IL1RAPL2: variants seen among roughly 807,000 people sequenced by gnomAD.
The protein encoded by IL1RAPL2 is X-linked interleukin-1 receptor accessory protein-like 2.
Under a neutral mutation model 44.1 loss-of-function variants are expected in IL1RAPL2, and 3 were observed. That is an observed-to-expected ratio of 0.07 (90% confidence interval 0.03 to 0.18). The LOEUF (loss-of-function observed/expected upper bound fraction) is 0.18, where lower values mean the gene tolerates loss of function less well. Ranked by LOEUF, IL1RAPL2 falls within the 10% of genes least tolerant of loss-of-function variation. The pLI, the probability that IL1RAPL2 is intolerant of heterozygous loss-of-function variation, is 1.00. For synonymous variants in IL1RAPL2, 181 were observed against 178.8 expected (o/e 1.01, Z -0.10); for missense variants, 391 against 496.4 (o/e 0.79, Z 2.02).
intron 5 of IL1RAPL2, among the ~76,000 whole-genome samples, chrX:105,299,616 C>G (rs2034680717): frequency 9.0e-6 from 1 of 111,274 alleles, no homozygotes. Context: ...CCTTAAAATT[C>G]TAATGTCAGA....
chrX:105,390,790 G>A (rs769085903), intron 5 of IL1RAPL2, among the ~76,000 whole-genome samples: 8 of 110,894 alleles, frequency 7.2e-5, no homozygotes, highest in African/African-American at 2.6e-4. Context: ...TGCGGCATAC[G>A]TTTTGGCCTC....
intron 2 of IL1RAPL2, among the ~76,000 whole-genome samples, chrX:105,146,939 TC>T (rs1333467456): frequency 8.9e-6 from 1 of 111,805 alleles, no homozygotes; most frequent in Non-Finnish European, 1.9e-5. Context: ...TTAAAGGTTT[TC>T]TGATTTGTGA....
intron 2 of IL1RAPL2, among the ~76,000 whole-genome samples, chrX:105,036,065 A>T (rs147455447): frequency 0.023 from 2,558 of 111,824 alleles, 61 homozygotes; most frequent in African/African-American, 0.079. Flanking sequence ...TATCAGTGTC[A>T]TTCTTTTGGT....
chrX:105,599,527 T>A (rs1197394912), intron 6 of IL1RAPL2, among the ~76,000 whole-genome samples: 1 of 111,112 alleles, frequency 9.0e-6, no homozygotes, highest in Non-Finnish European at 1.9e-5. Flanking sequence ...CACTGTGAAG[T>A]GTGTGGAATA....
intron 2 of IL1RAPL2, among the ~76,000 whole-genome samples, chrX:105,173,798 T>C (rs1011933338): frequency 1.4e-4 from 15 of 108,945 alleles, no homozygotes; most frequent in African/African-American, 4.4e-4. Context: ...AGTGGCATGA[T>C]CTCGGCTCAC....
At chrX:105,378,511 A>G (rs1037946919) in intron 5 of IL1RAPL2, among the ~76,000 whole-genome samples, 1 of 111,733 alleles carries the variant, frequency 8.9e-6, no homozygotes, top group Non-Finnish European at 1.9e-5. Context: ...TGGTGATAAA[A>G]GCTAATAAAA....
intron 6 of IL1RAPL2, among the ~76,000 whole-genome samples, chrX:105,637,770 C>T (rs145138230): frequency 1.0e-3 from 108 of 107,917 alleles, no homozygotes; most frequent in Non-Finnish European, 1.6e-3. Flanking sequence ...CTCAACCAAG[C>T]GCTATTTCTC....
At chrX:105,337,200 T>C (rs2035034899) in intron 5 of IL1RAPL2, among the ~76,000 whole-genome samples, 1 of 112,174 alleles carries the variant, frequency 8.9e-6, no homozygotes, top group Admixed American at 9.5e-5. Flanking sequence ...TTGAATTGAG[T>C]GACTTGTCCT....
chrX:104,962,026 C>T (rs976723192), intron 2 of IL1RAPL2, among the ~76,000 whole-genome samples: 1 of 112,143 alleles, frequency 8.9e-6, no homozygotes, highest in Non-Finnish European at 1.9e-5. Flanking sequence ...GTCACTGTGG[C>T]CTTCACAGCA....
chrX:105,727,570 G>A (rs1038938526), intron 7 of IL1RAPL2, among the ~76,000 whole-genome samples: 61 of 111,431 alleles, frequency 5.5e-4, no homozygotes, highest in African/African-American at 2.0e-3. Context: ...AAACTCTCTG[G>A]TGGCAGTTCA....
chrX:104,751,028 C>A (rs1429093000), intron 2 of IL1RAPL2, among the ~76,000 whole-genome samples: 2 of 111,094 alleles, frequency 1.8e-5, no homozygotes, highest in South Asian at 3.8e-4. Flanking sequence ...ACTCTACAAT[C>A]AGTTAATTTA....
intron 2 of IL1RAPL2, among the ~76,000 whole-genome samples, chrX:104,943,381 T>C (rs946613555): frequency 8.0e-5 from 9 of 112,137 alleles, no homozygotes; most frequent in Admixed American, 4.7e-4. Context: ...GGATGTCTAA[T>C]AGATATCTCA....
At chrX:105,683,277 C>T (rs2037940440) in intron 6 of IL1RAPL2, among the ~76,000 whole-genome samples, 1 of 111,764 alleles carries the variant, frequency 8.9e-6, no homozygotes, top group Admixed American at 9.6e-5. Context: ...TAACACAGTT[C>T]ATAACTTTTC....
intron 2 of IL1RAPL2, among the ~76,000 whole-genome samples, chrX:104,947,887 C>T (rs1307182027): frequency 8.9e-6 from 1 of 111,881 alleles, no homozygotes; most frequent in Non-Finnish European, 1.9e-5. Flanking sequence ...TTAGGATTTA[C>T]TTGGTGATGT....
chrX:105,756,605 C>T (rs1345578461), intron 10 of IL1RAPL2, among the ~76,000 whole-genome samples: 1 of 111,764 alleles, frequency 8.9e-6, no homozygotes, highest in Non-Finnish European at 1.9e-5. Flanking sequence ...TGGAAAGGAA[C>T]AAAGAAGGCA....
At chrX:105,360,867 T>C (rs150847906) in intron 5 of IL1RAPL2, among the ~76,000 whole-genome samples, 39 of 111,548 alleles carry the variant, frequency 3.5e-4, no homozygotes, top group African/African-American at 1.2e-3. Context: ...TGGAATGTGA[T>C]GAAAGAGGGA....
chrX:104,715,417 C>CA (rs57271887), intron 2 of IL1RAPL2, among the ~76,000 whole-genome samples: 32,392 of 72,243 alleles, frequency 0.45, 6,705 homozygotes, highest in South Asian at 0.59. Context: ...TCTATTTTTT[C>CA]AAAAAAAAAA....
intron 5 of IL1RAPL2, among the ~76,000 whole-genome samples, chrX:105,385,505 A>G (rs1202695229): frequency 3.6e-5 from 4 of 110,927 alleles, no homozygotes; most frequent in Admixed American, 9.7e-5. Flanking sequence ...ACATCATACC[A>G]TAAGTAATTG....
In IL1RAPL2 at chrX:104,647,914, A is replaced by G. The variant is rs773540629; in HGVS notation, c.-19-10981A>G. 3 of 655,678 alleles carry G rather than the reference A, an allele frequency of 4.6e-6. No homozygotes were observed. In the African/African-American group the frequency reaches 6.5e-5, roughly 14 times the overall value. 54.0% of individuals were successfully genotyped at this position (655,678 alleles called of 1,213,427 possible). ...TGACAGCTCTGTGACCAGCATCCACATTATATAAGGCAGAGTTCAGCATGC... is the reference window on the plus strand; with the variant it reads ...TGACAGCTCTGTGACCAGCATCCACGTTATATAAGGCAGAGTTCAGCATGC... On this transcript the variant is annotated intron_variant, in intron 1 of 10. Coordinates refer to ENST00000372582, the MANE Select transcript of IL1RAPL2 (RefSeq NM_017416.2).
Sources: allele counts gnomAD v4.1 joint callset (sites outside exome capture counted in the v4.1 genomes callset), GRCh38; gene constraint gnomAD v4.1.1; transcripts MANE v1.5; gene names NCBI Gene and HGNC (gene_info 2026-07-23, HGNC 2026-07-21).